CIT: variants seen among roughly 807,000 people sequenced by gnomAD.
CIT encodes the protein citron Rho-interacting kinase.
Under a neutral mutation model 272.7 loss-of-function variants are expected in CIT, and 79 were observed. That is an observed-to-expected ratio of 0.29 (90% CI 0.24 to 0.35). CIT has a LOEUF of 0.35. Ranked by LOEUF, CIT falls within the 10% of genes least tolerant of loss-of-function variation. The pLI, the probability that CIT is intolerant of heterozygous loss-of-function variation, is 1.00. For synonymous variants in CIT, 948 were observed against 995.6 expected (o/e 0.95, Z 0.90); for missense variants, 1,909 against 2,618.3 (o/e 0.73, Z 5.91).
chr12:119,784,039 T>A lies in CIT; in HGVS notation c.1414A>T (p.Met472Leu). Residue 472 changes from methionine to leucine, a missense_variant, in exon 12 of 48, where the codon ATG becomes TTG. By Grantham distance (15) the Met-to-Leu change is conservative. This residue lies in a region of CIT where 26 missense variants were observed against 44.1 expected (regional missense o/e 0.59). Coordinates refer to ENST00000392521, the MANE Select transcript of CIT (RefSeq NM_001206999.2). The surrounding 1 kb of genome is among the most constrained non-coding windows in gnomAD (Gnocchi z 4.7). ...QDKCHKMEQEMTRLHRRVSEV... is the reference protein window; with the variant it reads ...QDKCHKMEQELTRLHRRVSEV... ...GACACTCTCCGATGTAACCGGGTCA[T>A]TTCCTGCTCCATCTGAAATAAACAC... is the stretch of plus-strand genomic sequence containing the variant. 6.2e-7 allele frequency: 1 copy of A among 1,612,232 alleles called. No individual in the cohort carries two copies. The highest frequency in any genetic ancestry group is 8.5e-7 in the Non-Finnish European group (1 of 1,179,072).
Position 119,776,357 on chromosome 12 carries a change from C to T in CIT, c.1887+1G>A. On this transcript the variant is annotated splice_donor_variant, in intron 15 of 47. Transcript: ENST00000392521. LOFTEE classifies it high-confidence loss of function. ...AGCAAAACCAATCATGGAAAGTATA[C>T]CTTCTCCAGTTTCGCATATTCTCCC... The T allele has an allele frequency of 6.2e-7, 1 of 1,612,158 alleles. No homozygotes were observed. Among genetic ancestry groups the T allele is most frequent in the Non-Finnish European group, 8.5e-7 (1 of 1,178,444 alleles).
Position 119,760,954 on chromosome 12 carries a change from G to A in CIT, c.2406C>T (p.Leu802=). 2 of 1,613,280 alleles carry A rather than the reference G, an allele frequency of 1.2e-6. No individual in the cohort carries two copies. Among genetic ancestry groups the A allele is most frequent in the Non-Finnish European group, 1.7e-6 (2 of 1,179,216 alleles). Residue 802 remains leucine, a synonymous_variant, in exon 20 of 48, where the codon CTC becomes CTT. Transcript: ENST00000392521. The part of the protein sequence containing the change: ...EEEAHEKGKI[L]SEQKAMINAM... Reference sequence around the variant, plus strand: ...TTCTACCTACCGCCTTCTGTTCGCTGAGAATTTTGCCCTTCTCATGGGCCT... The same window carrying A: ...TTCTACCTACCGCCTTCTGTTCGCTAAGAATTTTGCCCTTCTCATGGGCCT...
chr12:119,828,458 CA>C (rs1332798758), intron 7 of CIT, among the ~76,000 whole-genome samples: 2 of 151,818 alleles, frequency 1.3e-5, no homozygotes, highest in Non-Finnish European at 2.9e-5. Flanking sequence ...CCTCTGGTGG[CA>C]ATTCAGTCAG....
chr12:119,855,348 G>T (rs1337397420), intron 4 of CIT, among the ~76,000 whole-genome samples: 1 of 152,080 alleles, frequency 6.6e-6, no homozygotes, highest in East Asian at 1.9e-4. Context: ...GTGTGAACCT[G>T]GGAGGCGGAG....
intron 23 of CIT, among the ~76,000 whole-genome samples, chr12:119,745,392 A>AAAAAAAAAAC (rs1959222969): frequency 6.9e-6 from 1 of 145,092 alleles, no homozygotes; most frequent in Non-Finnish European, 1.5e-5. Context: ...AAAAAAAAAA[A>AAAAAAAAAAC]AAAAAACACC....
rs139829821 is a variant in CIT at position 119,803,287 on chromosome 12, C to A, written c.1214G>T (p.Ser405Ile). The change falls in exon 10 of 48, where the codon AGC becomes ATC. Residue 405 changes from serine (S) to isoleucine (I), a missense_variant. Physicochemically the swap from Ser to Ile is moderately radical, Grantham distance 142. This residue lies in a region of CIT where 529 missense variants were observed against 549.6 expected (regional missense o/e 0.96). Transcript: ENST00000392521. The stretch of plus-strand genomic sequence containing the variant: ...TTCTTCACCCGAGAAGCCTGAGGGG[C>A]TCAGCTGGCACGGAGAGGATGAAAC... ...SWVSSSPCQLSPSGFSGEELP... is the reference protein window; with the variant it reads ...SWVSSSPCQLIPSGFSGEELP... The A allele has an allele frequency of 6.3e-5, 101 of 1,610,434 alleles. No individual in the cohort carries two copies. The African/African-American group carries it at 1.3e-3, about 20-fold the overall frequency.
At chr12:119,758,124 A>T (rs919591021) in intron 21 of CIT, among the ~76,000 whole-genome samples, 5 of 152,172 alleles carry the variant, frequency 3.3e-5, no homozygotes, top group African/African-American at 9.7e-5. Flanking sequence ...GGGGGAAAAA[A>T]ATCCTGGAGA....
intron 23 of CIT, among the ~76,000 whole-genome samples, chr12:119,750,079 C>T (rs535188789): frequency 6.6e-6 from 1 of 152,290 alleles, no homozygotes; most frequent in East Asian, 1.9e-4. Flanking sequence ...AGCATTGGGC[C>T]CATAGCAAGG....
Position 119,718,335 on chromosome 12 carries a change from C to A in CIT, c.4078G>T (p.Ala1360Ser). Residue 1360 changes from alanine (A) to serine (S), a missense_variant, in exon 32 of 48, where the codon GCC becomes TCC. Physicochemically the swap from Ala to Ser is moderately conservative, Grantham distance 99. Around this residue, in one of 8 missense-constraint regions of CIT, gnomAD observed 780 missense variants for 1,067.2 expected, o/e 0.73. Coordinates refer to ENST00000392521, the MANE Select transcript of CIT (RefSeq NM_001206999.2). The surrounding 1 kb of genome is among the most constrained non-coding windows in gnomAD (Gnocchi z 4.8). Reference sequence around the variant, plus strand: ...TGGTGCTCTGGCGACCGCACGATGGCGGACATGGCGATCTGCTGCCTCGCG... The same window carrying A: ...TGGTGCTCTGGCGACCGCACGATGGAGGACATGGCGATCTGCTGCCTCGCG... ...ATARQQIAMS[A>S]IVRSPEHQPS... The A allele has an allele frequency of 6.2e-7, 1 of 1,614,068 alleles. No homozygotes were observed. The highest frequency in any genetic ancestry group is 1.1e-5 in the South Asian group (1 of 91,062).
chr12:119,759,340 C>T (rs936775826), intron 20 of CIT, among the ~76,000 whole-genome samples: 23 of 152,210 alleles, frequency 1.5e-4, no homozygotes, highest in Non-Finnish European at 3.4e-4. Context: ...AGGTTGCGTG[C>T]TCCTAATGAG....
In CIT at chr12:119,712,633, C is replaced by T. The variant is rs986633143; in HGVS notation, c.4642G>A (p.Gly1548Ser). Residue 1548 changes from glycine to serine, a missense_variant, in exon 36 of 48, where the codon GGT becomes AGT. Gly to Ser is a moderately conservative substitution (Grantham distance 56, BLOSUM62 0). Around this residue, in one of 8 missense-constraint regions of CIT, gnomAD observed 780 missense variants for 1,067.2 expected, o/e 0.73. Coordinates refer to ENST00000392521, the MANE Select transcript of CIT (RefSeq NM_001206999.2). This position sits in a 1 kb window ranked among gnomAD's most constrained non-coding sequence, Gnocchi z 5.2. Reference sequence around the variant, plus strand: ...GCGAGTTCGGAAGCACCAACGGCACCATGAATAGATACATCCCCGTCGGGA... The same window carrying T: ...GCGAGTTCGGAAGCACCAACGGCACTATGAATAGATACATCCCCGTCGGGA... ...CLPDGDVSIHGAVGASELANT... is the reference protein window; with the variant it reads ...CLPDGDVSIHSAVGASELANT... 6.2e-7 allele frequency: 1 copy of T among 1,614,062 alleles called. No individual in the cohort carries two copies. The highest frequency in any genetic ancestry group is 1.3e-5 in the African/African-American group (1 of 74,924).
chr12:119,834,611 A>G (rs370190222), intron 5 of CIT, among the ~76,000 whole-genome samples: 3 of 152,334 alleles, frequency 2.0e-5, no homozygotes, highest in African/African-American at 7.2e-5. Context: ...TATTCCCCTC[A>G]GCACCCAGCA....
chr12:119,875,311 CCAAT>C (rs1340901381), intron 2 of CIT, among the ~76,000 whole-genome samples: 12 of 152,266 alleles, frequency 7.9e-5, no homozygotes, highest in South Asian at 2.1e-4. Context: ...TTGCAAGCAA[CCAAT>C]CAATCAATGA....
At chr12:119,766,968 A>G (rs1194299667) in intron 19 of CIT, 119 bp downstream of exon 19, 2 of 528,726 alleles carry the variant, frequency 3.8e-6, no homozygotes, top group Non-Finnish European at 6.4e-6. Flanking sequence ...GAATAAGGAC[A>G]TTATTCACCC....
chr12:119,785,303 G>A (rs1416590473), intron 10 of CIT, among the ~76,000 whole-genome samples: 1 of 152,176 alleles, frequency 6.6e-6, no homozygotes, highest in African/African-American at 2.4e-5. Context: ...TGGATCTTGG[G>A]ATGGAAAGAT....
intron 23 of CIT, among the ~76,000 whole-genome samples, chr12:119,744,281 T>G (rs1344499466): frequency 3.3e-5 from 5 of 152,048 alleles, no homozygotes; most frequent in Admixed American, 2.0e-4. Flanking sequence ...AAAGACGCCC[T>G]AACAGACTTT....
chr12:119,749,347 T>C (rs922290648), intron 23 of CIT, among the ~76,000 whole-genome samples: 2 of 152,254 alleles, frequency 1.3e-5, no homozygotes, highest in Non-Finnish European at 2.9e-5. Context: ...TGACTGATGC[T>C]TGTGCAGGGT....
intron 23 of CIT, among the ~76,000 whole-genome samples, chr12:119,751,283 CAAG>C (rs1419946296): frequency 6.6e-6 from 1 of 152,078 alleles, no homozygotes; most frequent in East Asian, 1.9e-4. Flanking sequence ...TTTCCCCCTT[CAAG>C]TTAAGTTGGC....
At chr12:119,833,976 T>A in intron 6 of CIT, 110 bp downstream of exon 6, 1 of 1,146,486 alleles carries the variant, frequency 8.7e-7, no homozygotes, top group African/African-American at 1.5e-5. Flanking sequence ...AAAAACTGGA[T>A]GGGGCGTTAT....
Sources: allele counts gnomAD v4.1 joint callset (sites outside exome capture counted in the v4.1 genomes callset), GRCh38; gene constraint gnomAD v4.1.1; regional missense constraint gnomAD v4.1.1; non-coding constraint Gnocchi (gnomAD v3.1); transcripts MANE v1.5; gene names NCBI Gene and HGNC (gene_info 2026-07-23, HGNC 2026-07-21).